Variants in ADRA1A observed in about 807,000 individuals in gnomAD.
The protein encoded by ADRA1A is adrenoceptor alpha 1A.
In ADRA1A, 31 loss-of-function variants were observed where a neutral mutation model predicts 29.6. That is an observed-to-expected ratio of 1.05 (90% CI 0.79 to 1.41). The LOEUF is 1.41. ADRA1A is among the 40% of genes most tolerant of loss of function. The pLI is 0.00. For synonymous variants in ADRA1A, 311 were observed against 254.3 expected, an observed-to-expected ratio of 1.22 and a Z score of -2.12; for missense variants, 619 against 601.1, an observed-to-expected ratio of 1.03 and a Z score of -0.31.
chr8:26,818,987 A>G (rs967254383), intron 2 of ADRA1A, among the ~76,000 whole-genome samples: 75 of 152,196 alleles, frequency 4.9e-4, no homozygotes, highest in Non-Finnish European at 3.1e-4. Context: ...CAGACTTTTG[A>G]TGTTCAGACT....
intron 2 of ADRA1A, among the ~76,000 whole-genome samples, chr8:26,846,429 C>T (rs184901523): frequency 6.6e-6 from 1 of 152,190 alleles, no homozygotes; most frequent in African/African-American, 2.4e-5. Context: ...GTCTAACCCA[C>T]ACAATGCCAG....
chr8:26,833,674 G>A (rs1811145915), intron 2 of ADRA1A, among the ~76,000 whole-genome samples: 1 of 152,196 alleles, frequency 6.6e-6, no homozygotes, highest in Non-Finnish European at 1.5e-5. Context: ...ATATTGCTAA[G>A]GCAAAGCAGA....
chr8:26,751,369 G>A lies in ADRA1A; in HGVS notation c.1270-2621C>T, dbSNP rs191747382. 4.5e-3 allele frequency among the ~76,000 whole-genome samples: 693 copies of A among 152,314 alleles called. 2 individuals are homozygous for A. The highest frequency in any genetic ancestry group is 0.01 in the Middle Eastern group (3 of 294). ...TTGTTTTTCATAAATTCTGTTGAAG[G>A]CAATTTGTATTTATAAACAGGAGAA... On this transcript the variant is annotated intron_variant, in intron 2 of 2. Transcript: ENST00000380586.
At position 26,821,072 on chromosome 8, in the gene ADRA1A, G is replaced by A. The variant is rs71519616; in HGVS notation, c.883+43015C>T. Among the ~76,000 whole-genome samples the A allele has an allele frequency of 0.033, 5,053 of 152,134 alleles. 158 individuals carry two copies. Among genetic ancestry groups the A allele is most frequent in the African/African-American group, 0.083 (3,453 of 41,496 alleles). ...CACCTGGCTAATTTTTGTATTTTTA[G>A]TAGAGATGGGGTTTTGCCATGTTAG... is the stretch of plus-strand genomic sequence containing the variant. On this transcript the variant is annotated intron_variant, in intron 2 of 2. Coordinates refer to ENST00000380573, the MANE Select transcript of ADRA1A (RefSeq NM_000680.4). This position sits in a 1 kb window ranked among gnomAD's most constrained non-coding sequence, Gnocchi z 5.6.
downstream of ADRA1A, chr8:26,766,202 C>G: frequency 1.7e-6 from 2 of 1,180,420 alleles, no homozygotes; most frequent in Non-Finnish European, 2.5e-6. Flanking sequence ...TGAGTTATGT[C>G]GTATTTGCTT....
At chr8:26,822,933 C>G (rs1465013214) in intron 2 of ADRA1A, among the ~76,000 whole-genome samples, 1 of 152,126 alleles carries the variant, frequency 6.6e-6, no homozygotes, top group Non-Finnish European at 1.5e-5. Context: ...ATCATGATGA[C>G]AGCACCAAGG....
rs1563252584 is a variant in ADRA1A at position 26,787,418 on chromosome 8, T to C, written c.884-16752A>G. On this transcript the variant is annotated intron_variant, in intron 2 of 2. Transcript: ENST00000380573. The surrounding 1 kb of genome is among the most constrained non-coding windows in gnomAD (Gnocchi z 4.2). The stretch of plus-strand genomic sequence containing the variant: ...ATGGAAAAAAAACCCACACATACTA[T>C]ATTCTGTCTGAAAAGACTTTGACAA... Among the ~76,000 whole-genome samples the C allele has an allele frequency of 6.6e-6, 1 of 152,222 alleles. No individual in the cohort carries two copies. The highest frequency in any genetic ancestry group is 1.5e-5 in the Non-Finnish European group (1 of 68,048).
intron 2 of ADRA1A, among the ~76,000 whole-genome samples, chr8:26,759,285 C>T (rs1452973975): frequency 2.0e-5 from 3 of 152,220 alleles, no homozygotes; most frequent in African/African-American, 2.4e-5. Context: ...AAGAGGAAGA[C>T]GGGGCCAGAT....
chr8:26,818,746 T>C lies in ADRA1A; in HGVS notation c.883+45341A>G, dbSNP rs191736738. Among the ~76,000 whole-genome samples, 402 of 151,884 alleles carry C rather than the reference T, an allele frequency of 2.6e-3. 2 individuals are homozygous for C. The highest frequency in any genetic ancestry group is 9.2e-3 in the African/African-American group (381 of 41,418). On this transcript the variant is annotated intron_variant, in intron 2 of 2. Coordinates refer to ENST00000380573, the MANE Select transcript of ADRA1A (RefSeq NM_000680.4). ...ACTTGATCAAGGAGAAGAAAGAATCTGTGAATAAAAAGGCCAGTAATTTGA... is the reference window on the plus strand; with the variant it reads ...ACTTGATCAAGGAGAAGAAAGAATCCGTGAATAAAAAGGCCAGTAATTTGA...
downstream of ADRA1A, among the ~76,000 whole-genome samples, chr8:26,763,885 G>A (rs1229393963): frequency 1.3e-5 from 2 of 152,140 alleles, no homozygotes; most frequent in African/African-American, 2.4e-5. The surrounding 1 kb of genome is among the most constrained non-coding windows in gnomAD (Gnocchi z 4.5). Flanking sequence ...ACCCCACAAT[G>A]CCTAAAATAT....
rs201919708 is a variant in ADRA1A at position 26,806,228 on chromosome 8, A to C, written c.884-35562T>G. ...GCAATTCATGCAGCCTCCTAACTGC[A>C]AAATCACTTCCCTACAGCCTTCCTT... On this transcript the variant is annotated intron_variant, in intron 2 of 2. Transcript: ENST00000380573. This position sits in a 1 kb window ranked among gnomAD's most constrained non-coding sequence, Gnocchi z 4.6. 1.3e-5 allele frequency among the ~76,000 whole-genome samples: 2 copies of C among 152,184 alleles called. No individual in the cohort carries two copies. Among genetic ancestry groups the C allele is most frequent in the East Asian group, 3.9e-4 (2 of 5,192 alleles).
rs1249888424 is a variant in ADRA1A at position 26,821,762 on chromosome 8, C to A, written c.883+42325G>T. On this transcript the variant is annotated intron_variant, in intron 2 of 2. Transcript: ENST00000380573. This position sits in a 1 kb window ranked among gnomAD's most constrained non-coding sequence, Gnocchi z 5.6. ...ATACCCACTTCCCTTCTGCCCCACC[C>A]CGATCTTCACTCCTGGAAATCACTA... Among the ~76,000 whole-genome samples, 1 of 150,778 alleles carries A rather than the reference C, an allele frequency of 6.6e-6. No homozygotes were observed. Among genetic ancestry groups the A allele is most frequent in the Admixed American group, 6.6e-5 (1 of 15,160 alleles).
At chr8:26,839,797 T>C (rs1811683730) in intron 2 of ADRA1A, among the ~76,000 whole-genome samples, 2 of 151,972 alleles carry the variant, frequency 1.3e-5, no homozygotes, top group Non-Finnish European at 2.9e-5. Flanking sequence ...TGGGGTGGGA[T>C]GGTGGGAAGG....
At chr8:26,803,990 T>C (rs1349551774) in intron 2 of ADRA1A, among the ~76,000 whole-genome samples, 1 of 140,862 alleles carries the variant, frequency 7.1e-6, no homozygotes, top group Non-Finnish European at 1.5e-5. Context: ...GGCAAGATCA[T>C]AGCTCACTGC....
chr8:26,844,550 G>A (rs79833674), intron 2 of ADRA1A, among the ~76,000 whole-genome samples: 13,584 of 152,194 alleles, frequency 0.089, 785 homozygotes, highest in Non-Finnish European at 0.13. Flanking sequence ...TGATGGAATA[G>A]AATTTAGACT....
At chr8:26,766,813 A>G (rs576946696), downstream of ADRA1A, among the ~76,000 whole-genome samples, 5 of 152,290 alleles carry the variant, frequency 3.3e-5, no homozygotes, top group South Asian at 1.0e-3. Flanking sequence ...GTTTAGAGGC[A>G]ATGGGTGCAA....
rs1300503546 is a variant in ADRA1A, at chr8:26,866,323, G to A, written c.-687+613C>T. Among the ~76,000 whole-genome samples, 1 of 152,218 alleles carries A rather than the reference G, an allele frequency of 6.6e-6. No individual in the cohort carries two copies. The highest frequency in any genetic ancestry group is 1.5e-5 in the Non-Finnish European group (1 of 68,036). On this transcript the variant is annotated intron_variant, in intron 1 of 2. Transcript: ENST00000380573. This position sits in a 1 kb window ranked among gnomAD's most constrained non-coding sequence, Gnocchi z 5.7. ...CCACGACGCCTTTCCAAGCCTCACTGTTGGCCACCCGAGGGGCTCCAGCTG... is the reference window on the plus strand; with the variant it reads ...CCACGACGCCTTTCCAAGCCTCACTATTGGCCACCCGAGGGGCTCCAGCTG...
chr8:26,788,183 A>T (rs967848300), intron 2 of ADRA1A, among the ~76,000 whole-genome samples: 1 of 152,188 alleles, frequency 6.6e-6, no homozygotes, highest in African/African-American at 2.4e-5. Context: ...CTACAGAAAG[A>T]TAAGGTATAA....
At chr8:26,760,450 C>A (rs1429284954) in intron 2 of ADRA1A, among the ~76,000 whole-genome samples, 1 of 152,224 alleles carries the variant, frequency 6.6e-6, no homozygotes, top group Non-Finnish European at 1.5e-5. Context: ...AACAGTGCAG[C>A]TTCCTTTCCT....
Sources: gnomAD v4.1 joint callset for allele counts (sites outside exome capture counted in the v4.1 genomes callset) on GRCh38, gnomAD v4.1.1 for gene constraint, Gnocchi (gnomAD v3.1) non-coding constraint, MANE v1.5 for transcripts, NCBI Gene and HGNC (gene_info 2026-07-23, HGNC 2026-07-21) for gene names.